RBFOX1: variants seen among roughly 807,000 people sequenced by gnomAD.
The protein encoded by RBFOX1 is RNA binding protein fox-1 homolog 1.
Under a neutral mutation model 57.7 loss-of-function variants are expected in RBFOX1, and 8 were observed. That is an observed-to-expected ratio of 0.14 (90% CI 0.08 to 0.25). The LOEUF (loss-of-function observed/expected upper bound fraction) is 0.25, where lower values mean the gene tolerates loss of function less well. Among genes scored for constraint, RBFOX1 ranks in the 10% least tolerant of loss-of-function variants. RBFOX1 has a pLI of 1.00. For synonymous variants in RBFOX1, 326 were observed against 222.4 expected, an observed-to-expected ratio of 1.47 and a Z score of -4.15; for missense variants, 611 against 548.5, an observed-to-expected ratio of 1.11 and a Z score of -1.14.
intron 2 of RBFOX1, among the ~76,000 whole-genome samples, chr16:6,480,354 C>G (rs997715907): frequency 1.3e-5 from 2 of 152,192 alleles, no homozygotes; most frequent in African/African-American, 2.4e-5. Context: ...CACTTGGTCT[C>G]TCACAGACAC....
rs2095484180 is a variant in RBFOX1, at chr16:6,045,345, A to G, written c.-127+25353A>G. Among the ~76,000 whole-genome samples the G allele has an allele frequency of 2.0e-5, 3 of 152,180 alleles. No homozygotes were observed. The South Asian group carries it at 6.2e-4, about 32-fold the overall frequency. ...AATGCTTGGGTGTTTGGTGATTTGAATCATGACTCCGAGAGTTGAGAGTTC... is the reference window on the plus strand; with the variant it reads ...AATGCTTGGGTGTTTGGTGATTTGAGTCATGACTCCGAGAGTTGAGAGTTC... On this transcript the variant is annotated intron_variant, in intron 1 of 15. Coordinates refer to ENST00000550418, the MANE Select transcript of RBFOX1 (RefSeq NM_018723.4).
At chr16:7,133,222 A>C (rs1279434336) in intron 4 of RBFOX1, among the ~76,000 whole-genome samples, 4 of 152,230 alleles carry the variant, frequency 2.6e-5, no homozygotes, top group Non-Finnish European at 5.9e-5. Flanking sequence ...ATCATTTAAA[A>C]AATTATTTTC....
chr16:5,345,349 A>G (rs1023860855), intron 1 of RBFOX1, among the ~76,000 whole-genome samples: 2 of 151,882 alleles, frequency 1.3e-5, no homozygotes, highest in African/African-American at 4.8e-5. Context: ...CTTCCTCTCC[A>G]TTGTGCCCCT....
rs555185698 is a variant in RBFOX1 at position 5,873,021 on chromosome 16, C to G, written c.351+5686C>G. 6.5e-4 allele frequency among the ~76,000 whole-genome samples: 99 copies of G among 151,962 alleles called. 1 individual carries two copies. The highest frequency in any genetic ancestry group is 6.8e-3 in the Middle Eastern group (2 of 292). On this transcript the variant is annotated intron_variant, in intron 4 of 19. Transcript: ENST00000641259. The stretch of plus-strand genomic sequence containing the variant: ...CAAAAATTAGCTGGGTGTGGTGGCA[C>G]GCACCTGTAGTCCTAGCTACTTGGG...
intron 2 of RBFOX1, among the ~76,000 whole-genome samples, chr16:5,594,224 A>G (rs1442858466): frequency 1.3e-5 from 2 of 151,576 alleles, no homozygotes; most frequent in African/African-American, 4.9e-5. Context: ...ATTTTTTTCC[A>G]CCTCCTACAT....
chr16:6,560,763 T>C (rs1019307530), intron 2 of RBFOX1, among the ~76,000 whole-genome samples: 3 of 152,220 alleles, frequency 2.0e-5, no homozygotes, highest in African/African-American at 7.2e-5. Flanking sequence ...ATGTGGTTGA[T>C]GTCTGTCTCT....
chr16:6,354,877 G>A (rs1242504991), intron 2 of RBFOX1, among the ~76,000 whole-genome samples: 1 of 152,110 alleles, frequency 6.6e-6, no homozygotes, highest in Non-Finnish European at 1.5e-5. Flanking sequence ...TAAATAAACT[G>A]GGAGTCCTGA....
chr16:5,580,485 G>A (rs867173083), intron 2 of RBFOX1, among the ~76,000 whole-genome samples: 1 of 152,254 alleles, frequency 6.6e-6, no homozygotes, highest in African/African-American at 2.4e-5. Flanking sequence ...TGACTTGGAT[G>A]CCACCTGCTG....
At chr16:7,112,492 C>A (rs1352510347) in intron 4 of RBFOX1, among the ~76,000 whole-genome samples, 1 of 151,900 alleles carries the variant, frequency 6.6e-6, no homozygotes, top group Non-Finnish European at 1.5e-5. Flanking sequence ...CAGGCATGAG[C>A]CACCGTGCCC....
chr16:5,811,357 G>A (rs1044578134), intron 3 of RBFOX1, among the ~76,000 whole-genome samples: 1 of 151,600 alleles, frequency 6.6e-6, no homozygotes, highest in African/African-American at 2.4e-5. Flanking sequence ...TAGCCAGGCT[G>A]GTGTTGAACT....
At chr16:6,695,268 A>T (rs1175343665) in intron 3 of RBFOX1, among the ~76,000 whole-genome samples, 1 of 151,976 alleles carries the variant, frequency 6.6e-6, no homozygotes, top group Non-Finnish European at 1.5e-5. Context: ...GAAAATAAAA[A>T]ATTAGCTGGG....
At chr16:5,391,702 T>C (rs1383662421) in intron 1 of RBFOX1, among the ~76,000 whole-genome samples, 5 of 152,112 alleles carry the variant, frequency 3.3e-5, no homozygotes, top group Non-Finnish European at 4.4e-5. Context: ...GTGTCTTCCC[T>C]GTGTCTACAT....
chr16:5,390,392 G>A (rs189178120), intron 1 of RBFOX1, among the ~76,000 whole-genome samples: 4 of 150,934 alleles, frequency 2.7e-5, no homozygotes, highest in Admixed American at 2.6e-4. Flanking sequence ...GGGTTCAAGC[G>A]ATTCTCCTGC....
intron 2 of RBFOX1, among the ~76,000 whole-genome samples, chr16:6,499,369 C>G (rs747116880): frequency 5.3e-5 from 8 of 151,070 alleles, no homozygotes; most frequent in African/African-American, 1.9e-4. Flanking sequence ...CCACAAACAG[C>G]CATGTGTAAA....
rs973267265 is a variant in RBFOX1, at chr16:6,097,986, G to A, written c.-127+77994G>A. ...CCCTGCTTGGTCTAGGATGGAGCCT[G>A]CAATTTTGCATTTGTGACAAGCTCC... On this transcript the variant is annotated intron_variant, in intron 1 of 15. Transcript: ENST00000550418. The surrounding 1 kb of genome is among the most constrained non-coding windows in gnomAD (Gnocchi z 5.0). 8.5e-5 allele frequency among the ~76,000 whole-genome samples: 13 copies of A among 152,136 alleles called. No homozygotes were observed. The highest frequency in any genetic ancestry group is 3.1e-4 in the African/African-American group (13 of 41,414).
chr16:5,917,652 A>G (rs2058737822), intron 4 of RBFOX1, among the ~76,000 whole-genome samples: 2 of 152,176 alleles, frequency 1.3e-5, no homozygotes, highest in African/African-American at 2.4e-5. Flanking sequence ...ATGTGTCAGC[A>G]CGGAAATGGT....
At chr16:7,207,227 T>C (rs1054684319) in intron 4 of RBFOX1, among the ~76,000 whole-genome samples, 2 of 152,238 alleles carry the variant, frequency 1.3e-5, no homozygotes, top group African/African-American at 2.4e-5. Context: ...TTTATGTATA[T>C]GGCATCATTG....
intron 4 of RBFOX1, among the ~76,000 whole-genome samples, chr16:7,411,423 G>C (rs112137682): frequency 0.023 from 3,543 of 152,240 alleles, 143 homozygotes; most frequent in African/African-American, 0.082. Context: ...CTTTCAGAGA[G>C]GAGACAGGGC....
chr16:6,922,388 C>G (rs1105007), intron 3 of RBFOX1, among the ~76,000 whole-genome samples: 29,951 of 152,162 alleles, frequency 0.2, 3,161 homozygotes, highest in Admixed American at 0.25. Context: ...CATCTGCCAC[C>G]CGGCACAGCA....
Sources: gnomAD v4.1 joint callset for allele counts (sites outside exome capture counted in the v4.1 genomes callset) on GRCh38, gnomAD v4.1.1 for gene constraint, Gnocchi (gnomAD v3.1) non-coding constraint, MANE v1.5 for transcripts, NCBI Gene and HGNC (gene_info 2026-07-23, HGNC 2026-07-21) for gene names.